VPS54: variants seen among roughly 807,000 people sequenced by gnomAD.
The protein encoded by VPS54 is vacuolar protein sorting-associated protein 54.
VPS54 carries 45 observed loss-of-function variants against 121.5 expected under a neutral mutation model. The ratio of observed to expected loss-of-function variants is 0.37; its 90% CI spans 0.29 to 0.47. The LOEUF is 0.47. Among genes scored for constraint, VPS54 ranks in the 20% least tolerant of loss-of-function variants. The pLI is 0.99. For synonymous variants in VPS54, 371 were observed against 385.8 expected, an observed-to-expected ratio of 0.96 and a Z score of 0.45; for missense variants, 1,090 against 1,131.4, an observed-to-expected ratio of 0.96 and a Z score of 0.52.
intron 6 of VPS54, among the ~76,000 whole-genome samples, chr2:63,964,930 A>G (rs1024093588): frequency 6.6e-6 from 1 of 152,210 alleles, no homozygotes; most frequent in Non-Finnish European, 1.5e-5. Flanking sequence ...ACTCTTGATA[A>G]GTAAATTATA....
chr2:63,999,749 T>C (rs1296470274), intron 1 of VPS54, among the ~76,000 whole-genome samples: 1 of 152,214 alleles, frequency 6.6e-6, no homozygotes, highest in South Asian at 2.1e-4. Context: ...AAGGCTACTT[T>C]CTAAATCCCG....
intron 20 of VPS54, among the ~76,000 whole-genome samples, chr2:63,905,553 T>A (rs999411402): frequency 6.6e-6 from 1 of 151,822 alleles, no homozygotes; most frequent in African/African-American, 2.4e-5. Context: ...GCCTGTAAAG[T>A]AAGAACAAAG....
rs996661253 is a variant in VPS54, at chr2:63,976,366, A to C, written c.379-4122T>G. 1.3e-3 allele frequency among the ~76,000 whole-genome samples: 192 copies of C among 148,850 alleles called. 2 individuals carry two copies. The highest frequency in any genetic ancestry group is 4.1e-3 in the African/African-American group (165 of 40,690). On this transcript the variant is annotated intron_variant, in intron 3 of 22. Coordinates refer to ENST00000272322, the MANE Select transcript of VPS54 (RefSeq NM_016516.3). ...ACCTTGTCTCAAAAAAAAAAAAAAC[A>C]AAAAACAAAAAAACACACAAGAGGT...
chr2:64,005,158 C>A lies in VPS54; in HGVS notation c.-21+13780G>T, dbSNP rs1678075543. Among the ~76,000 whole-genome samples, 7 of 116,682 alleles carry A rather than the reference C, an allele frequency of 6.0e-5. No homozygotes were observed. In the South Asian group the frequency reaches 2.1e-3, roughly 35 times the overall value. The allele number at this position is 116,682 out of a possible 152,430, so 76.5% of individuals were successfully genotyped here. ...CCGCTCTTTAGCCCAGGCCAGATTG[C>A]AGTGGCACAATCTCGGCTCACTGCA... is the stretch of plus-strand genomic sequence containing the variant. On this transcript the variant is annotated intron_variant, in intron 1 of 22. Transcript: ENST00000272322.
intron 5 of VPS54, among the ~76,000 whole-genome samples, chr2:63,968,334 G>C (rs1247730569): frequency 6.6e-6 from 1 of 151,462 alleles, no homozygotes; most frequent in Non-Finnish European, 1.5e-5. Context: ...ATGAGAAAGA[G>C]ACTGATGATG....
At chr2:63,946,364 G>C (rs1171622655) in intron 9 of VPS54, among the ~76,000 whole-genome samples, 2 of 152,154 alleles carry the variant, frequency 1.3e-5, no homozygotes, top group African/African-American at 4.8e-5. Context: ...GTGTTTTGGT[G>C]AACTTATATA....
At chr2:64,012,651 T>C (rs1678482149) in intron 1 of VPS54, among the ~76,000 whole-genome samples, 1 of 151,648 alleles carries the variant, frequency 6.6e-6, no homozygotes, top group Admixed American at 6.6e-5. Context: ...TTTCTATTAG[T>C]TATTCCCCAA....
intron 12 of VPS54, among the ~76,000 whole-genome samples, chr2:63,925,292 C>G (rs1673844666): frequency 2.0e-5 from 3 of 152,176 alleles, no homozygotes; most frequent in African/African-American, 7.2e-5. Context: ...TGAAAAGGTG[C>G]TCTCCTAACA....
chr2:64,013,233 C>T (rs1345264009), intron 1 of VPS54, among the ~76,000 whole-genome samples: 2 of 152,174 alleles, frequency 1.3e-5, no homozygotes, highest in East Asian at 3.8e-4. Flanking sequence ...CAGAAATACA[C>T]ATCATCTGTG....
In VPS54 at chr2:63,912,670, C is replaced by T. The variant is rs778699931; in HGVS notation, c.2423-9G>A. On this transcript the variant is annotated splice_polypyrimidine_tract_variant and intron_variant, in intron 18 of 22. Coordinates refer to ENST00000272322, the MANE Select transcript of VPS54 (RefSeq NM_016516.3). ...ACATCGTGAAGAAAGAGCTGAAGATCCAGGGAGTAGATATATAATGGAGAA... is the reference window on the plus strand; with the variant it reads ...ACATCGTGAAGAAAGAGCTGAAGATTCAGGGAGTAGATATATAATGGAGAA... 1.6e-5 allele frequency: 25 copies of T among 1,561,332 alleles called. No individual in the cohort carries two copies. Among genetic ancestry groups the T allele is most frequent in the Middle Eastern group, 3.4e-4 (2 of 5,938 alleles).
intron 1 of VPS54, among the ~76,000 whole-genome samples, chr2:64,010,637 T>C (rs985458985): frequency 6.6e-6 from 1 of 152,104 alleles, no homozygotes; most frequent in South Asian, 2.1e-4. Context: ...TTTTTCATAC[T>C]ACCTATACAC....
chr2:64,018,172 A>G (rs1346045209), intron 1 of VPS54, among the ~76,000 whole-genome samples: 1 of 152,244 alleles, frequency 6.6e-6, no homozygotes, highest in Non-Finnish European at 1.5e-5. Context: ...AGCCAATTAA[A>G]AACAAAAACA....
chr2:63,941,584 G>A (rs1208488316), intron 11 of VPS54, among the ~76,000 whole-genome samples: 1 of 152,158 alleles, frequency 6.6e-6, no homozygotes, highest in Admixed American at 6.5e-5. Context: ...GTATGTATTA[G>A]AGTCTGACAT....
At chr2:63,948,784 T>G (rs1385367123) in intron 8 of VPS54, among the ~76,000 whole-genome samples, 1 of 152,218 alleles carries the variant, frequency 6.6e-6, no homozygotes, top group Non-Finnish European at 1.5e-5. Context: ...ATATCTGTAT[T>G]TTTAACTTGG....
rs559565917 is a variant in VPS54, at chr2:63,964,698, A to G, written c.624+1137T>C. 3.9e-5 allele frequency among the ~76,000 whole-genome samples: 6 copies of G among 152,262 alleles called. No individual in the cohort carries two copies. In the South Asian group the frequency reaches 6.2e-4, roughly 16 times the overall value. ...AAGGAATACTCATGATTCCTTCCCC[A>G]CATTTCTTCTTCTCTCCTCCCCAAG... On this transcript the variant is annotated intron_variant, in intron 6 of 22. Transcript: ENST00000272322.
At chr2:63,986,779 G>A (rs1042833131) in intron 1 of VPS54, among the ~76,000 whole-genome samples, 2 of 152,146 alleles carry the variant, frequency 1.3e-5, no homozygotes, top group African/African-American at 4.8e-5. Flanking sequence ...TTGGATAAAT[G>A]CCATTTTAAC....
chr2:63,918,788 TTCA>T (rs2104447276), intron 15 of VPS54, among the ~76,000 whole-genome samples: 1 of 152,098 alleles, frequency 6.6e-6, no homozygotes, highest in African/African-American at 2.4e-5. Context: ...TAGCTACTAT[TTCA>T]TCACTCACTT....
At chr2:63,905,470 C>T (rs922166043) in intron 20 of VPS54, among the ~76,000 whole-genome samples, 4 of 151,262 alleles carry the variant, frequency 2.6e-5, no homozygotes, top group Non-Finnish European at 5.9e-5. Context: ...AAACAAACTT[C>T]CAAAGTGTAC....
intron 1 of VPS54, among the ~76,000 whole-genome samples, chr2:63,989,038 T>C (rs990195948): frequency 2.0e-5 from 3 of 152,108 alleles, no homozygotes; most frequent in African/African-American, 7.2e-5. Context: ...GCTCTGGGAG[T>C]GTCTGCCTTA....
Sources: allele counts gnomAD v4.1 joint callset (sites outside exome capture counted in the v4.1 genomes callset), GRCh38; gene constraint gnomAD v4.1.1; transcripts MANE v1.5; gene names NCBI Gene and HGNC (gene_info 2026-07-23, HGNC 2026-07-21).